The following NUDCD3 variants were observed in gnomAD, a reference collection of about 807,000 sequenced individuals.
NUDCD3 encodes the protein NudC domain containing 3.
A neutral mutation model predicts 39.7 loss-of-function variants in NUDCD3; 13 were observed. The ratio of observed to expected loss-of-function variants is 0.33; its 90% CI spans 0.21 to 0.52. The LOEUF is 0.52. NUDCD3 is among the 20% of genes least tolerant of loss of function. The pLI is 0.96. For missense variants in NUDCD3, 453 were observed against 458.1 expected (o/e 0.99, Z 0.10); for synonymous variants, 175 against 172.4 (o/e 1.02, Z -0.12).
At chr7:44,415,213 A>T (rs1357220804) in intron 3 of NUDCD3, among the ~76,000 whole-genome samples, 1 of 152,230 alleles carries the variant, frequency 6.6e-6, no homozygotes, top group African/African-American at 2.4e-5. Context: ...TTTCAAAAGC[A>T]TTCCAATTCT....
At chr7:44,387,506 G>A (rs1480780945) in intron 5 of NUDCD3, among the ~76,000 whole-genome samples, 1 of 152,230 alleles carries the variant, frequency 6.6e-6, no homozygotes, top group Non-Finnish European at 1.5e-5. Flanking sequence ...TGGGTGCAGA[G>A]AAGACTACAT....
chr7:44,458,091 C>T (rs1167217798), intron 2 of NUDCD3, among the ~76,000 whole-genome samples: 1 of 152,136 alleles, frequency 6.6e-6, no homozygotes, highest in African/African-American at 2.4e-5. Flanking sequence ...GATGAATAAA[C>T]AAAATGAAGT....
At chr7:44,395,102 T>C (rs1168069589) in intron 4 of NUDCD3, among the ~76,000 whole-genome samples, 3 of 152,226 alleles carry the variant, frequency 2.0e-5, no homozygotes, top group Non-Finnish European at 2.9e-5. Flanking sequence ...ATATTTACAA[T>C]TGAAAGGGTA....
At chr7:44,412,095 C>T (rs149597115) in intron 3 of NUDCD3, among the ~76,000 whole-genome samples, 32 of 152,356 alleles carry the variant, frequency 2.1e-4, no homozygotes, top group Admixed American at 1.8e-3. Flanking sequence ...CTGATAAGAA[C>T]TCTACCACTG....
Position 44,485,049 on chromosome 7 carries a change from G to A in NUDCD3, c.428C>T (p.Ala143Val), listed in dbSNP as rs770495408. Residue 143 changes from alanine (A) to valine (V), a missense_variant, in exon 2 of 6, where the codon GCC becomes GTC. Transcript: ENST00000355451. ...VQPPGPVKEM[A>V]HGSQEAEAPG... Reference sequence around the variant, plus strand: ...AGCTTCTGCCTCCTGTGAACCATGGGCCATTTCCTTCACAGGGCCTGGAGG... The same window carrying A: ...AGCTTCTGCCTCCTGTGAACCATGGACCATTTCCTTCACAGGGCCTGGAGG... 4 of 1,614,162 alleles carry A rather than the reference G, an allele frequency of 2.5e-6. No individual in the cohort carries two copies. In the Admixed American group the frequency reaches 6.7e-5, roughly 27 times the overall value.
rs1198498849 is a variant in NUDCD3, at chr7:44,381,933, C to T, written c.*4078G>A. 1 of 152,258 alleles carries T rather than the reference C, an allele frequency of 6.6e-6. No individual in the cohort carries two copies. The highest frequency in any genetic ancestry group is 1.5e-5 in the Non-Finnish European group (1 of 68,088). The allele number at this position is 152,258 out of a possible 1,614,324, so 9.4% of individuals were successfully genotyped here. ...CTGGGTTCAGTGACAGTTCATCCTG[C>T]CATGGGCTCTGGTCTCCCCATCACC... On this transcript the variant is annotated 3_prime_UTR_variant, in exon 6 of 6. Coordinates refer to ENST00000355451, the MANE Select transcript of NUDCD3 (RefSeq NM_015332.4).
At chr7:44,417,080 G>C (rs1314048193) in intron 3 of NUDCD3, among the ~76,000 whole-genome samples, 3 of 152,120 alleles carry the variant, frequency 2.0e-5, no homozygotes, top group Non-Finnish European at 4.4e-5. Context: ...ACCCCACTGG[G>C]ATATAAGCTC....
intron 2 of NUDCD3, among the ~76,000 whole-genome samples, chr7:44,476,628 C>A (rs188112037): frequency 6.6e-6 from 1 of 152,126 alleles, no homozygotes; most frequent in Non-Finnish European, 1.5e-5. Flanking sequence ...GCCACCCAGG[C>A]TACAGTATTT....
chr7:44,431,198 T>C (rs1799356297), intron 2 of NUDCD3, among the ~76,000 whole-genome samples: 1 of 152,136 alleles, frequency 6.6e-6, no homozygotes, highest in Non-Finnish European at 1.5e-5. Flanking sequence ...GCTGCAGGCC[T>C]GGGCACATGG....
intron 2 of NUDCD3, among the ~76,000 whole-genome samples, chr7:44,432,906 G>A (rs565181845): frequency 1.3e-5 from 2 of 152,248 alleles, no homozygotes; most frequent in Non-Finnish European, 2.9e-5. Context: ...TATGTGCTAG[G>A]GTCTGAAATG....
Position 44,442,734 on chromosome 7 carries a change from G to C in NUDCD3, c.510-15031C>G, listed in dbSNP as rs192265325. On this transcript the variant is annotated intron_variant, in intron 2 of 5. Transcript: ENST00000355451. ...TTTTTGAGACAGAGTCTCACTCTTT[G>C]GCCCAGGCCGGACTGCAGTGGCGCT... Among the ~76,000 whole-genome samples the C allele has an allele frequency of 3.5e-3, 410 of 118,456 alleles. 3 individuals are homozygous for C. Among genetic ancestry groups the C allele is most frequent in the African/African-American group, 0.013 (381 of 30,452 alleles). 77.7% of individuals were successfully genotyped at this position (118,456 alleles called of 152,430 possible).
At chr7:44,460,705 T>C (rs986888384) in intron 2 of NUDCD3, among the ~76,000 whole-genome samples, 5 of 152,096 alleles carry the variant, frequency 3.3e-5, no homozygotes, top group Non-Finnish European at 5.9e-5. Flanking sequence ...TATGAAGATA[T>C]GAATGAAATT....
intron 2 of NUDCD3, among the ~76,000 whole-genome samples, chr7:44,469,531 G>A (rs7792822): frequency 0.21 from 32,351 of 152,078 alleles, 3,789 homozygotes; most frequent in African/African-American, 0.26. Context: ...TAATGGTAAA[G>A]GTATGCTGAG....
At chr7:44,403,965 G>C (rs982989971) in intron 4 of NUDCD3, among the ~76,000 whole-genome samples, 1 of 152,192 alleles carries the variant, frequency 6.6e-6, no homozygotes, top group African/African-American at 2.4e-5. Context: ...ATCTGGCCCA[G>C]GCGTGCAGCC....
At chr7:44,480,702 G>A (rs771703491) in intron 2 of NUDCD3, among the ~76,000 whole-genome samples, 9 of 151,934 alleles carry the variant, frequency 5.9e-5, no homozygotes, top group South Asian at 2.1e-4. Flanking sequence ...AGCACTTTAC[G>A]AGGCTGAGGC....
chr7:44,468,349 C>CAAAAAAAAA (rs77181470), intron 2 of NUDCD3: 4 of 381,090 alleles, frequency 1.0e-5, no homozygotes, highest in Admixed American at 6.2e-5. Flanking sequence ...GTAAAAACTG[C>CAAAAAAAAA]AAAAAAAAAA....
intron 3 of NUDCD3, among the ~76,000 whole-genome samples, chr7:44,409,961 T>C (rs998245565): frequency 1.3e-5 from 2 of 151,768 alleles, no homozygotes; most frequent in African/African-American, 4.8e-5. Flanking sequence ...CAAGCAAACT[T>C]GAAGACAGGT....
At chr7:44,407,505 C>T (rs187169548) in intron 3 of NUDCD3, among the ~76,000 whole-genome samples, 1 of 141,624 alleles carries the variant, frequency 7.1e-6, no homozygotes, top group East Asian at 2.2e-4. Context: ...GCAGAGGTTG[C>T]GGTGAGCCGA....
At chr7:44,401,843 C>T (rs1363205544) in intron 4 of NUDCD3, among the ~76,000 whole-genome samples, 2 of 152,178 alleles carry the variant, frequency 1.3e-5, no homozygotes, top group African/African-American at 2.4e-5. Flanking sequence ...TGGAGACAGG[C>T]CTGCCGGGAT....
Sources: allele counts gnomAD v4.1 joint callset (sites outside exome capture counted in the v4.1 genomes callset), GRCh38; gene constraint gnomAD v4.1.1; transcripts MANE v1.5; gene names NCBI Gene and HGNC (gene_info 2026-07-23, HGNC 2026-07-21).